Variants in LMTK2 observed in about 807,000 individuals in gnomAD.
LMTK2 encodes lemur tail kinase 2, also known as serine/threonine-protein kinase LMTK2.
Under a neutral mutation model 127.5 loss-of-function variants are expected in LMTK2, and 37 were observed. The observed-to-expected ratio is 0.29, with a 90% CI of 0.22 to 0.38. The LOEUF is 0.38. Among genes scored for constraint, LMTK2 ranks in the 10% least tolerant of loss-of-function variants. The pLI is 1.00. For missense variants in LMTK2, 1,694 were observed against 1,920.3 expected (o/e 0.88, Z 2.20); for synonymous variants, 819 against 810.1 (o/e 1.01, Z -0.19).
intron 13 of LMTK2, 32 bp from the exon 14 acceptor site, chr7:98,205,432 C>G: frequency 6.2e-7 from 1 of 1,613,566 alleles, no homozygotes; most frequent in Non-Finnish European, 8.5e-7. Flanking sequence ...AAAAACCCAG[C>G]TTTGTCGTCT....
Position 98,118,859 on chromosome 7 carries a change from GAGGCAGGC to G in LMTK2, c.103+11582_103+11589del. Among the ~76,000 whole-genome samples the G allele has an allele frequency of 1.3e-5, 2 of 152,176 alleles. 1 individual carries two copies. On this transcript the variant is annotated intron_variant, in intron 1 of 13. Coordinates refer to ENST00000297293, the MANE Select transcript of LMTK2 (RefSeq NM_014916.4). ...TGTAATCCCAACACTTTGGGAAACC[GAGGCAGGC>G]AGATCATGAGGTCAGGAGATCGAGA...
At position 98,204,026 on chromosome 7, in the gene LMTK2, T is replaced by G. The variant is rs1797749111; in HGVS notation, c.4323T>G (p.Pro1441=). The change falls in exon 13 of 14, where the codon CCT becomes CCG. Residue 1441 remains proline (P), a synonymous_variant. Coordinates refer to ENST00000297293, the MANE Select transcript of LMTK2 (RefSeq NM_014916.4). ...KTTSNLLSSK[P]SLQTSKYFSP... ...CAAGTAACCTGCTCAGCTCCAAGCC[T>G]TCTCTCCAAACATCCAAGTACTTTT... The G allele has an allele frequency of 6.2e-7, 1 of 1,614,084 alleles. No homozygotes were observed. The highest frequency in any genetic ancestry group is 1.3e-5 in the African/African-American group (1 of 74,930).
At chr7:98,168,853 G>A (rs1486967632) in intron 6 of LMTK2, among the ~76,000 whole-genome samples, 1 of 152,120 alleles carries the variant, frequency 6.6e-6, no homozygotes, top group African/African-American at 2.4e-5. Context: ...TTGGGAAGCT[G>A]AGAAATTTTT....
chr7:98,164,249 A>C (rs1307710391), intron 6 of LMTK2, among the ~76,000 whole-genome samples: 1 of 152,190 alleles, frequency 6.6e-6, no homozygotes, highest in Non-Finnish European at 1.5e-5. Flanking sequence ...TGGCAGGTAC[A>C]CGCCGCTCTC....
In LMTK2 at chr7:98,140,135, TTTC is replaced by T. The variant is rs1365596979; in HGVS notation, c.232-1259_232-1257del. Among the ~76,000 whole-genome samples, 53 of 61,868 alleles carry T rather than the reference TTTC, an allele frequency of 8.6e-4. 2 individuals carry two copies. Among genetic ancestry groups the T allele is most frequent in the Admixed American group, 1.6e-3 (9 of 5,546 alleles). The allele number at this position is 61,868 out of a possible 152,430, so 40.6% of individuals were successfully genotyped here. A position where few individuals can be genotyped will look rare whatever the true frequency, so the allele number is the denominator to read the frequency against. On this transcript the variant is annotated intron_variant, in intron 2 of 13. Transcript: ENST00000297293. ...CTTTCTTTCTTTCTTTCTTTCTTTC[TTTC>T]TTTCTTTTCTTTTCTTTTCTTTTCT...
chr7:98,121,949 C>T (rs938502891), intron 1 of LMTK2, among the ~76,000 whole-genome samples: 4 of 151,842 alleles, frequency 2.6e-5, no homozygotes, highest in Non-Finnish European at 2.9e-5. Flanking sequence ...AGGCTGTGTT[C>T]GCACCTCTGC....
chr7:98,113,972 T>A (rs1796241510), intron 1 of LMTK2, among the ~76,000 whole-genome samples: 1 of 152,012 alleles, frequency 6.6e-6, no homozygotes, highest in Admixed American at 6.6e-5. Context: ...AGTGCAGTGA[T>A]TCCAAATGTC....
chr7:98,157,817 C>G (rs2116398712), intron 5 of LMTK2, among the ~76,000 whole-genome samples: 1 of 152,120 alleles, frequency 6.6e-6, no homozygotes, highest in East Asian at 1.9e-4. Context: ...TAGTGGTTGC[C>G]AGGGGTACAC....
intron 11 of LMTK2, among the ~76,000 whole-genome samples, chr7:98,196,855 G>A (rs955199270): frequency 6.6e-6 from 1 of 152,212 alleles, no homozygotes; most frequent in Admixed American, 6.5e-5. Context: ...AAGTCGGAAG[G>A]TGGGTCAGGG....
intron 1 of LMTK2, among the ~76,000 whole-genome samples, chr7:98,114,162 G>A (rs569881802): frequency 6.6e-6 from 1 of 152,040 alleles, no homozygotes; most frequent in African/African-American, 2.4e-5. Context: ...AGGAGGGGGT[G>A]GTGGTGGTAA....
rs987400935 is a variant in LMTK2, at chr7:98,206,711, T to A, written c.*1219T>A. On this transcript the variant is annotated 3_prime_UTR_variant, in exon 14 of 14. Transcript: ENST00000297293. ...CTTCAGGTGGTGGGGACTTGAGCTT[T>A]AAAAAAACCTCCACAGCCGAATCTT... The A allele has an allele frequency of 6.6e-6, 1 of 152,004 alleles. No homozygotes were observed. The highest frequency in any genetic ancestry group is 1.5e-5 in the Non-Finnish European group (1 of 68,048). 9.4% of individuals were successfully genotyped at this position (152,004 alleles called of 1,614,324 possible).
intron 1 of LMTK2, among the ~76,000 whole-genome samples, chr7:98,121,667 A>G (rs947183532): frequency 6.6e-6 from 1 of 151,364 alleles, no homozygotes; most frequent in African/African-American, 2.4e-5. Flanking sequence ...CCAAAGTGCT[A>G]GCTTCCATAA....
chr7:98,151,210 G>A (rs1424986125), intron 3 of LMTK2, among the ~76,000 whole-genome samples, 172 bp from the exon 4 acceptor site: 1 of 152,076 alleles, frequency 6.6e-6, no homozygotes, highest in Non-Finnish European at 1.5e-5. Flanking sequence ...AAAAAATATT[G>A]TCAGTTTTAA....
rs751292770 is a variant in LMTK2, at chr7:98,186,915, T to G, written c.915T>G (p.Pro305=). ...AAACAGATGATAAAAAAGTTTTCCC[T>G]CTGCGATGGACTGCTCCAGAATTAG... ...YIETDDKKVF[P]LRWTAPELVT... is the part of the protein sequence containing the mutation. The change falls in exon 9 of 14, where the codon CCT becomes CCG. Residue 305 remains proline (P), a synonymous_variant. Coordinates refer to ENST00000297293, the MANE Select transcript of LMTK2 (RefSeq NM_014916.4). The G allele has an allele frequency of 1.2e-6, 2 of 1,613,604 alleles. No individual in the cohort carries two copies. Among genetic ancestry groups the G allele is most frequent in the Admixed American group, 3.3e-5 (2 of 60,000 alleles).
rs960318074 is a variant in LMTK2, at chr7:98,196,265, G to A, written c.4107+1693G>A. 7.9e-5 allele frequency among the ~76,000 whole-genome samples: 12 copies of A among 152,000 alleles called. No individual in the cohort carries two copies. In the South Asian group the frequency reaches 1.0e-3, roughly 13 times the overall value. On this transcript the variant is annotated intron_variant, in intron 11 of 13. Transcript: ENST00000297293. The stretch of plus-strand genomic sequence containing the variant: ...TGATTCTGCGAGGGGCCAGGAGGCC[G>A]TCTTTCTCTTTTCATTCCCCAGGTG...
chr7:98,117,973 C>A (rs1327105403), intron 1 of LMTK2, among the ~76,000 whole-genome samples: 1 of 152,014 alleles, frequency 6.6e-6, no homozygotes, highest in Non-Finnish European at 1.5e-5. Context: ...TCAAAAAAAA[C>A]CAAACAAACA....
intron 1 of LMTK2, among the ~76,000 whole-genome samples, chr7:98,123,700 T>C (rs1796399922): frequency 7.6e-6 from 1 of 131,500 alleles, no homozygotes; most frequent in Admixed American, 7.5e-5. Context: ...CCAATTTTCA[T>C]ATATACACAC....
chr7:98,138,325 G>C (rs1039996640), intron 2 of LMTK2, among the ~76,000 whole-genome samples: 8 of 152,182 alleles, frequency 5.3e-5, no homozygotes, highest in African/African-American at 1.7e-4. Flanking sequence ...GTTTTCCCTG[G>C]ACATGGGGCC....
intron 2 of LMTK2, among the ~76,000 whole-genome samples, chr7:98,138,874 G>A (rs1158009503): frequency 6.6e-6 from 1 of 152,358 alleles, no homozygotes; most frequent in East Asian, 1.9e-4. Context: ...TTCCCCCGGA[G>A]ATGCTGGCGC....
Sources: gnomAD v4.1 joint callset for allele counts (sites outside exome capture counted in the v4.1 genomes callset) on GRCh38, gnomAD v4.1.1 for gene constraint, MANE v1.5 for transcripts, NCBI Gene and HGNC (gene_info 2026-07-23, HGNC 2026-07-21) for gene names.